NBEA: variants seen among roughly 807,000 people sequenced by gnomAD.
The protein encoded by NBEA is neurobeachin, also known as lysosomal-trafficking regulator 2.
NBEA carries 44 observed loss-of-function variants against 343.4 expected under a neutral mutation model. The ratio of observed to expected loss-of-function variants is 0.13; its 90% CI spans 0.10 to 0.16. NBEA has a LOEUF of 0.16. Ranked by LOEUF, NBEA falls within the 10% of genes least tolerant of loss-of-function variation. NBEA has a pLI of 1.00. For missense variants in NBEA, 2,555 were observed against 3,631.3 expected (o/e 0.70, Z 7.62); for synonymous variants, 1,175 against 1,238.7 (o/e 0.95, Z 1.08).
At chr13:35,561,069 T>A (rs951506333) in intron 44 of NBEA, among the ~76,000 whole-genome samples, 1 of 152,182 alleles carries the variant, frequency 6.6e-6, no homozygotes, top group South Asian at 2.1e-4. Context: ...CTGCCCTATA[T>A]CTATATCTTT....
At chr13:35,420,911 G>A (rs1212841670) in intron 38 of NBEA, among the ~76,000 whole-genome samples, 1 of 151,700 alleles carries the variant, frequency 6.6e-6, no homozygotes, top group Non-Finnish European at 1.5e-5. Flanking sequence ...TTTTAGAGGT[G>A]TGTCAGTGTT....
At chr13:35,426,348 G>A (rs138831308) in intron 38 of NBEA, among the ~76,000 whole-genome samples, 19 of 152,126 alleles carry the variant, frequency 1.2e-4, no homozygotes, top group African/African-American at 4.3e-4. Context: ...GCCTGGTAGT[G>A]ACAAAATCTC....
chr13:35,378,420 T>G lies in NBEA; in HGVS notation c.6179+26097T>G, dbSNP rs1378519267. ...TATTTTGGTTTTGTCCTGGTATCTTTAAGGTATATCATGACATTGGCTGGC... is the reference window on the plus strand; with the variant it reads ...TATTTTGGTTTTGTCCTGGTATCTTGAAGGTATATCATGACATTGGCTGGC... On this transcript the variant is annotated intron_variant, in intron 38 of 58. Coordinates refer to ENST00000379939, the MANE Select transcript of NBEA (RefSeq NM_001385012.1). Among the ~76,000 whole-genome samples, 3 of 152,206 alleles carry G rather than the reference T, an allele frequency of 2.0e-5. No homozygotes were observed. The East Asian group carries it at 5.8e-4, about 29-fold the overall frequency.
rs1260256270 is a variant in NBEA at position 35,106,084 on chromosome 13, T to C, written c.1681-3206T>C. Among the ~76,000 whole-genome samples the C allele has an allele frequency of 2.0e-5, 3 of 152,152 alleles. No homozygotes were observed. In the East Asian group the frequency reaches 5.8e-4, roughly 29 times the overall value. On this transcript the variant is annotated intron_variant, in intron 11 of 58. Transcript: ENST00000379939. Reference sequence around the variant, plus strand: ...ACTTCTTAGATATTATTTCCAAATATGGTTAGCCATGTCACATATAGTACT... The same window carrying C: ...ACTTCTTAGATATTATTTCCAAATACGGTTAGCCATGTCACATATAGTACT...
chr13:35,278,379 C>T (rs2034795647), intron 34 of NBEA, among the ~76,000 whole-genome samples: 1 of 151,960 alleles, frequency 6.6e-6, no homozygotes, highest in Admixed American at 6.6e-5. Context: ...CAATACAATG[C>T]AATGTAATTG....
chr13:35,584,443 C>G (rs560480301), intron 46 of NBEA, among the ~76,000 whole-genome samples: 5 of 151,428 alleles, frequency 3.3e-5, no homozygotes, highest in African/African-American at 7.3e-5. Flanking sequence ...CTCAGCCTCC[C>G]GAGTAACTAG....
chr13:35,085,164 G>A (rs1466873454), intron 10 of NBEA, among the ~76,000 whole-genome samples: 1 of 152,084 alleles, frequency 6.6e-6, no homozygotes. Flanking sequence ...ACAAGGAGGA[G>A]CTGGTACCAT....
At chr13:35,401,020 T>C (rs2042979654) in intron 38 of NBEA, among the ~76,000 whole-genome samples, 1 of 152,036 alleles carries the variant, frequency 6.6e-6, no homozygotes, top group Non-Finnish European at 1.5e-5. Flanking sequence ...GAATTCATAA[T>C]TCCTTCACAT....
In NBEA at chr13:35,087,076, T is replaced by A. The variant is rs140462402; in HGVS notation, c.1572-11221T>A. Among the ~76,000 whole-genome samples the A allele has an allele frequency of 5.9e-3, 899 of 151,956 alleles. 7 individuals are homozygous for A. Among genetic ancestry groups the A allele is most frequent in the African/African-American group, 0.021 (876 of 41,506 alleles). ...TTGTAGGATGAATAGTTAGCAGATATTTTCTCCAGTTCAAACACAAATTGT... is the reference window on the plus strand; with the variant it reads ...TTGTAGGATGAATAGTTAGCAGATAATTTCTCCAGTTCAAACACAAATTGT... On this transcript the variant is annotated intron_variant, in intron 10 of 58. Coordinates refer to ENST00000379939, the MANE Select transcript of NBEA (RefSeq NM_001385012.1).
chr13:34,972,068 C>T (rs2060014718), intron 1 of NBEA, among the ~76,000 whole-genome samples: 1 of 151,900 alleles, frequency 6.6e-6, no homozygotes, highest in Non-Finnish European at 1.5e-5. Context: ...TCAGTCTTGG[C>T]AGGGTATATG....
In NBEA at chr13:35,196,071, A is replaced by C; in HGVS notation, c.5135A>C (p.Lys1712Thr). ...TTATCCACTTTGTCATCCGAAGTGA[A>C]GAAATCACAAGAGAGCTTAACTGAA... ...ELLSTLSSEVKKSQESLTENP... is the reference protein window; with the variant it reads ...ELLSTLSSEVTKSQESLTENP... The change falls in exon 31 of 59, where the codon AAG becomes ACG. Residue 1712 changes from lysine to threonine, a missense_variant. Physicochemically the swap from Lys to Thr is moderately conservative, Grantham distance 78 (BLOSUM62 -1). Coordinates refer to ENST00000379939, the MANE Select transcript of NBEA (RefSeq NM_001385012.1). The C allele has an allele frequency of 6.2e-7, 1 of 1,613,672 alleles. No individual in the cohort carries two copies. Among genetic ancestry groups the C allele is most frequent in the Non-Finnish European group, 8.5e-7 (1 of 1,179,738 alleles).
In NBEA at chr13:35,284,017, A is replaced by ACACACAC. The variant is rs1566565257; in HGVS notation, c.5777-6368_5777-6367insCACCACA. Among the ~76,000 whole-genome samples the ACACACAC allele has an allele frequency of 2.6e-3, 376 of 142,194 alleles. 3 individuals carry two copies. The highest frequency in any genetic ancestry group is 0.02 in the Admixed American group (274 of 14,008). The allele number at this position is 142,194 out of a possible 152,430, so 93.3% of individuals were successfully genotyped here. On this transcript the variant is annotated intron_variant, in intron 34 of 58. Coordinates refer to ENST00000379939, the MANE Select transcript of NBEA (RefSeq NM_001385012.1). ...ACACACACACACACACACACACACC[A>ACACACAC]CACAGATGCATGTACACACACATCT...
chr13:35,307,219 T>G (rs1488248542), intron 35 of NBEA, among the ~76,000 whole-genome samples: 1 of 152,036 alleles, frequency 6.6e-6, no homozygotes, highest in Non-Finnish European at 1.5e-5. Context: ...CTATTTGAAA[T>G]ACTCATTTAG....
At chr13:35,016,011 C>G (rs1171028321) in intron 1 of NBEA, among the ~76,000 whole-genome samples, 1 of 151,984 alleles carries the variant, frequency 6.6e-6, no homozygotes, top group Non-Finnish European at 1.5e-5. Context: ...TACACAGTTG[C>G]ATTAGAATTG....
intron 1 of NBEA, among the ~76,000 whole-genome samples, chr13:34,998,542 T>G (rs1003787017): frequency 1.3e-5 from 2 of 152,132 alleles, no homozygotes; most frequent in Non-Finnish European, 2.9e-5. Flanking sequence ...TTTAGAGGCC[T>G]CCCCTCAGGG....
intron 38 of NBEA, among the ~76,000 whole-genome samples, chr13:35,384,683 G>T (rs1167262703): frequency 2.6e-5 from 4 of 151,838 alleles, no homozygotes; most frequent in Non-Finnish European, 5.9e-5. Flanking sequence ...CTGCCATCAT[G>T]CCGGGCTAAT....
intron 49 of NBEA, among the ~76,000 whole-genome samples, chr13:35,644,764 A>G (rs2084137186): frequency 6.6e-6 from 1 of 152,248 alleles, no homozygotes; most frequent in African/African-American, 2.4e-5. Flanking sequence ...GAACCTAACC[A>G]GAAATGGTCT....
chr13:35,618,324 A>G (rs1224329853), intron 48 of NBEA, among the ~76,000 whole-genome samples: 6 of 152,222 alleles, frequency 3.9e-5, no homozygotes, highest in Non-Finnish European at 8.8e-5. Flanking sequence ...TTGATGATTA[A>G]ATGCCCAGCT....
chr13:35,171,434 C>T lies in NBEA; in HGVS notation c.4405C>T (p.Arg1469Ter), dbSNP rs745404249. 1 of 1,610,214 alleles carries T rather than the reference C, an allele frequency of 6.2e-7. No homozygotes were observed. The highest frequency in any genetic ancestry group is 8.5e-7 in the Non-Finnish European group (1 of 1,177,466). ...EKNMSSGGLMRQCLRLVCCVA... is the reference protein window; with the variant it reads ...EKNMSSGGLM ...AAACATGTCTTCTGGAGGTTTAATG[C>T]GACAGTGCCTAAGATTAGGTAAGTC... is the stretch of plus-strand genomic sequence containing the variant. Residue 1469 changes from arginine (R) to a stop codon, truncating the protein, a stop_gained, in exon 26 of 59, where the codon CGA becomes TGA. Transcript: ENST00000379939. LOFTEE classifies it high-confidence loss of function.
Sources: allele counts gnomAD v4.1 joint callset (sites outside exome capture counted in the v4.1 genomes callset), GRCh38; gene constraint gnomAD v4.1.1; transcripts MANE v1.5; gene names NCBI Gene and HGNC (gene_info 2026-07-23, HGNC 2026-07-21).